CDH18: variants seen among roughly 807,000 people sequenced by gnomAD.
The protein encoded by CDH18 is cadherin 18, also known as cadherin-18.
Under a neutral mutation model 67.9 loss-of-function variants are expected in CDH18, and 31 were observed. The observed-to-expected ratio is 0.46, with a 90% CI of 0.34 to 0.62. The LOEUF (loss-of-function observed/expected upper bound fraction) is 0.62, where lower values mean the gene tolerates loss of function less well. Among genes scored for constraint, CDH18 ranks in the 20% least tolerant of loss-of-function variants. The pLI is 0.01. For synonymous variants in CDH18, 362 were observed against 347.2 expected (o/e 1.04, Z -0.48); for missense variants, 890 against 975.5 (o/e 0.91, Z 1.17).
chr5:20,002,468 G>A (rs944448069), intron 2 of CDH18, among the ~76,000 whole-genome samples: 5 of 152,262 alleles, frequency 3.3e-5, no homozygotes, highest in African/African-American at 1.2e-4. Flanking sequence ...TGGAAGATAA[G>A]TTGTACTAAT....
At chr5:20,299,455 G>A (rs1006023889) in intron 1 of CDH18, among the ~76,000 whole-genome samples, 2 of 146,752 alleles carry the variant, frequency 1.4e-5, no homozygotes, top group Non-Finnish European at 3.0e-5. Context: ...CACACAAAAT[G>A]AGTCATTCCA....
intron 3 of CDH18, among the ~76,000 whole-genome samples, chr5:19,838,021 G>C (rs1161574179): frequency 6.6e-6 from 1 of 152,114 alleles, no homozygotes; most frequent in Non-Finnish European, 1.5e-5. Context: ...AAAATTTCCT[G>C]AACAGTTTGA....
chr5:19,584,805 A>AAAAAAAAG (rs1465896214), intron 7 of CDH18, among the ~76,000 whole-genome samples: 2 of 148,538 alleles, frequency 1.3e-5, no homozygotes, highest in African/African-American at 4.9e-5. Flanking sequence ...AAAAAAAAAA[A>AAAAAAAAG]AAAAAAAGAA....
intron 3 of CDH18, among the ~76,000 whole-genome samples, chr5:19,797,259 T>G (rs761448169): frequency 6.6e-6 from 1 of 151,874 alleles, no homozygotes; most frequent in Non-Finnish European, 1.5e-5. Flanking sequence ...TTGGACAAAA[T>G]ACAATTTGGA....
chr5:20,145,424 C>G (rs987089898), intron 2 of CDH18, among the ~76,000 whole-genome samples: 6 of 152,124 alleles, frequency 3.9e-5, no homozygotes, highest in East Asian at 1.9e-4. Context: ...CTGTTGCTAA[C>G]GTTACCCTGC....
intron 2 of CDH18, among the ~76,000 whole-genome samples, chr5:20,066,007 A>C (rs1742949814): frequency 6.6e-6 from 1 of 152,050 alleles, no homozygotes; most frequent in African/African-American, 2.4e-5. Context: ...TGACATTTTC[A>C]AATTAGAGAT....
intron 2 of CDH18, among the ~76,000 whole-genome samples, chr5:20,122,158 G>A (rs1476046041): frequency 6.6e-6 from 1 of 152,126 alleles, no homozygotes. Context: ...AAGCAATTCT[G>A]GCCCACAAGT....
intron 7 of CDH18, among the ~76,000 whole-genome samples, chr5:19,573,288 T>A (rs1580282939): frequency 6.6e-6 from 1 of 151,946 alleles, no homozygotes; most frequent in Non-Finnish European, 1.5e-5. Flanking sequence ...CATACTCTTT[T>A]TTTTTTTTGA....
intron 6 of CDH18, among the ~76,000 whole-genome samples, chr5:19,600,658 A>C (rs1343733997): frequency 2.0e-5 from 3 of 151,952 alleles, no homozygotes; most frequent in Non-Finnish European, 4.4e-5. Flanking sequence ...CAATTATTAG[A>C]TACTTTCATG....
chr5:20,480,509 C>T (rs143916918), intron 1 of CDH18, among the ~76,000 whole-genome samples: 1 of 152,048 alleles, frequency 6.6e-6, no homozygotes, highest in Non-Finnish European at 1.5e-5. Context: ...CCTGTGCCTC[C>T]CAGGTTCAAG....
intron 2 of CDH18, among the ~76,000 whole-genome samples, chr5:20,218,199 A>G (rs1740928820): frequency 6.6e-6 from 1 of 151,988 alleles, no homozygotes; most frequent in Non-Finnish European, 1.5e-5. Context: ...ATTTCATCCA[A>G]CAGGTGCAGA....
At chr5:20,114,358 G>T (rs1240878168) in intron 2 of CDH18, among the ~76,000 whole-genome samples, 2 of 152,034 alleles carry the variant, frequency 1.3e-5, no homozygotes, top group Admixed American at 1.3e-4. Flanking sequence ...ACTAAGACAA[G>T]TTCAGAATTC....
chr5:20,168,132 C>T (rs532726203), intron 2 of CDH18, among the ~76,000 whole-genome samples: 12 of 152,168 alleles, frequency 7.9e-5, no homozygotes, highest in South Asian at 6.2e-4. Flanking sequence ...CTTTTTTAAA[C>T]GTAATTTTGC....
chr5:19,813,112 C>T (rs986126200), intron 3 of CDH18, among the ~76,000 whole-genome samples: 5 of 151,824 alleles, frequency 3.3e-5, no homozygotes, highest in Non-Finnish European at 5.9e-5. Flanking sequence ...GACACAAGGA[C>T]GGGAACATCA....
At chr5:20,001,133 C>A (rs946259373) in intron 2 of CDH18, among the ~76,000 whole-genome samples, 8 of 152,074 alleles carry the variant, frequency 5.3e-5, no homozygotes, top group African/African-American at 1.9e-4. Flanking sequence ...CTCATAATTT[C>A]TTTTTATTTT....
At chr5:19,890,754 C>T (rs1302011530) in intron 2 of CDH18, among the ~76,000 whole-genome samples, 1 of 152,052 alleles carries the variant, frequency 6.6e-6, no homozygotes, top group Admixed American at 6.6e-5. Context: ...ACCACTATGC[C>T]TGGCTAATTT....
intron 2 of CDH18, among the ~76,000 whole-genome samples, chr5:19,914,496 C>T (rs1435184845): frequency 6.6e-6 from 1 of 152,040 alleles, no homozygotes; most frequent in Non-Finnish European, 1.5e-5. Context: ...TAAATGCATA[C>T]ACACTTCTAA....
intron 5 of CDH18, among the ~76,000 whole-genome samples, chr5:19,663,600 T>C (rs1421142460): frequency 1.3e-5 from 2 of 151,992 alleles, no homozygotes; most frequent in East Asian, 3.9e-4. Context: ...GAGACCGTTT[T>C]GCCATGATTC....
chr5:20,547,930 G>T (rs887407133), intron 1 of CDH18, among the ~76,000 whole-genome samples: 1 of 151,660 alleles, frequency 6.6e-6, no homozygotes, highest in Non-Finnish European at 1.5e-5. Flanking sequence ...TAAGAAAAAA[G>T]CTCTCAGTTT....
Sources: allele counts gnomAD v4.1 joint callset (sites outside exome capture counted in the v4.1 genomes callset), GRCh38; gene constraint gnomAD v4.1.1; transcripts MANE v1.5; gene names NCBI Gene and HGNC (gene_info 2026-07-23, HGNC 2026-07-21).